GRID2: variants seen among roughly 807,000 people sequenced by gnomAD.
GRID2 encodes glutamate receptor ionotropic, delta-2.
Under a neutral mutation model 114.8 loss-of-function variants are expected in GRID2, and 33 were observed. The ratio of observed to expected loss-of-function variants is 0.29; its 90% CI spans 0.22 to 0.38. GRID2 has a LOEUF of 0.38. GRID2 is among the 10% of genes least tolerant of loss of function. The pLI, the probability that GRID2 is intolerant of heterozygous loss-of-function variation, is 1.00. For synonymous variants in GRID2, 505 were observed against 449.9 expected, an observed-to-expected ratio of 1.12 and a Z score of -1.55; for missense variants, 1,184 against 1,257.7, an observed-to-expected ratio of 0.94 and a Z score of 0.89.
chr4:92,534,182 C>T (rs968231596), intron 1 of GRID2, among the ~76,000 whole-genome samples: 12 of 151,934 alleles, frequency 7.9e-5, no homozygotes, highest in African/African-American at 2.9e-4. Context: ...AAGGATCCAG[C>T]GTTTGATCTA....
chr4:92,703,203 T>C (rs528373388), intron 2 of GRID2, among the ~76,000 whole-genome samples: 1 of 152,294 alleles, frequency 6.6e-6, no homozygotes, highest in Admixed American at 6.5e-5. Flanking sequence ...TAAATAAATG[T>C]AATCTGAATA....
intron 1 of GRID2, among the ~76,000 whole-genome samples, chr4:92,438,656 C>T (rs1032432163): frequency 2.6e-5 from 4 of 151,612 alleles, no homozygotes; most frequent in Admixed American, 2.0e-4. Context: ...TGCTGTTTTT[C>T]CCAACTCTTC....
chr4:93,316,838 T>C (rs1263571987), intron 8 of GRID2, among the ~76,000 whole-genome samples: 1 of 152,136 alleles, frequency 6.6e-6, no homozygotes, highest in Non-Finnish European at 1.5e-5. Flanking sequence ...AGAGCCAATG[T>C]TTCCTTTCAA....
intron 8 of GRID2, among the ~76,000 whole-genome samples, chr4:93,247,135 T>A (rs950351057): frequency 6.6e-6 from 1 of 152,162 alleles, no homozygotes; most frequent in Non-Finnish European, 1.5e-5. Flanking sequence ...GGAGCAAAGA[T>A]GACTGATGGG....
intron 14 of GRID2, among the ~76,000 whole-genome samples, chr4:93,714,099 C>T (rs979622701): frequency 1.3e-5 from 2 of 152,030 alleles, no homozygotes; most frequent in African/African-American, 2.4e-5. Flanking sequence ...TCCTCCCCCA[C>T]CCCCAACAGG....
chr4:92,444,426 G>A (rs563842561), intron 1 of GRID2, among the ~76,000 whole-genome samples: 3 of 152,098 alleles, frequency 2.0e-5, no homozygotes, highest in South Asian at 2.1e-4. Context: ...CTCAGTGGGG[G>A]TGCTTTTGGC....
At chr4:92,664,299 C>G (rs1439617800) in intron 2 of GRID2, among the ~76,000 whole-genome samples, 1 of 150,914 alleles carries the variant, frequency 6.6e-6, no homozygotes, top group African/African-American at 2.4e-5. Flanking sequence ...TCTTTTGATT[C>G]TATTTTCTAG....
At chr4:93,256,163 A>G (rs1244679411) in intron 8 of GRID2, among the ~76,000 whole-genome samples, 1 of 151,804 alleles carries the variant, frequency 6.6e-6, no homozygotes, top group Non-Finnish European at 1.5e-5. Context: ...CACTGTCCAC[A>G]TTTTTGATGG....
At chr4:93,083,301 G>A (rs1407731719) in intron 2 of GRID2, among the ~76,000 whole-genome samples, 1 of 151,950 alleles carries the variant, frequency 6.6e-6, no homozygotes, top group East Asian at 1.9e-4. Flanking sequence ...GAAATTATAA[G>A]TATACACTTA....
At chr4:92,918,961 G>A (rs879328358) in intron 2 of GRID2, among the ~76,000 whole-genome samples, 22 of 152,168 alleles carry the variant, frequency 1.4e-4, no homozygotes, top group Non-Finnish European at 2.5e-4. Context: ...GTAGAATTCA[G>A]CTGTGAATCC....
intron 2 of GRID2, chr4:92,822,520 C>T (rs1741359571): frequency 2.8e-6 from 1 of 353,728 alleles, no homozygotes; most frequent in African/African-American, 2.1e-5. Context: ...TTTGTATATA[C>T]TCAGGGTTAT....
chr4:92,345,901 T>G (rs1038752665), intron 1 of GRID2, among the ~76,000 whole-genome samples: 2 of 152,208 alleles, frequency 1.3e-5, no homozygotes, highest in Non-Finnish European at 2.9e-5. Flanking sequence ...TCATCAATCT[T>G]TTTAGTATAC....
At chr4:93,052,128 T>C (rs978398250) in intron 2 of GRID2, among the ~76,000 whole-genome samples, 3 of 152,024 alleles carry the variant, frequency 2.0e-5, no homozygotes, top group Non-Finnish European at 4.4e-5. Flanking sequence ...TTATTGTTTA[T>C]ATCACAAGTC....
Position 93,773,565 on chromosome 4 carries a change from A to G in GRID2, c.*1067A>G, listed in dbSNP as rs997564074. On this transcript the variant is annotated 3_prime_UTR_variant, in exon 16 of 16. Coordinates refer to ENST00000282020, the MANE Select transcript of GRID2 (RefSeq NM_001510.4). ...ATTTTACTTTTAATTAATTATCTAA[A>G]TGAAAAATGCTATTAGCTGAACCAC... 2 of 152,168 alleles carry G rather than the reference A, an allele frequency of 1.3e-5. No homozygotes were observed. The highest frequency in any genetic ancestry group is 2.4e-5 in the African/African-American group (1 of 41,444). 9.4% of individuals were successfully genotyped at this position (152,168 alleles called of 1,614,324 possible).
At chr4:92,304,785 T>G (rs778665673) in intron 1 of GRID2, 41 bp downstream of exon 1, 2 of 1,379,752 alleles carry the variant, frequency 1.4e-6, no homozygotes, top group Admixed American at 3.4e-5. Flanking sequence ...CTTTTACCGT[T>G]TCAGTTCTCA....
At chr4:92,473,939 C>G (rs1446058547) in intron 1 of GRID2, among the ~76,000 whole-genome samples, 3 of 147,296 alleles carry the variant, frequency 2.0e-5, no homozygotes, top group Non-Finnish European at 3.0e-5. Flanking sequence ...AAAATCATAC[C>G]CATCACCTCA....
At chr4:93,240,391 CT>C (rs1432152847) in intron 8 of GRID2, among the ~76,000 whole-genome samples, 1 of 151,250 alleles carries the variant, frequency 6.6e-6, no homozygotes, top group Non-Finnish European at 1.5e-5. Context: ...CAGTCTGCAC[CT>C]TTTCCTACAT....
chr4:92,437,338 G>A (rs1348345755), intron 1 of GRID2, among the ~76,000 whole-genome samples: 8 of 152,186 alleles, frequency 5.3e-5, no homozygotes, highest in Admixed American at 5.2e-4. Context: ...GGAGTGCAGT[G>A]GCACAATTTT....
At chr4:93,230,062 G>A (rs540181381) in intron 7 of GRID2, among the ~76,000 whole-genome samples, 1 of 151,910 alleles carries the variant, frequency 6.6e-6, no homozygotes, top group African/African-American at 2.4e-5. Context: ...TTAGCTTTTT[G>A]TAATCCTGAT....
Sources: gnomAD v4.1 joint callset for allele counts (sites outside exome capture counted in the v4.1 genomes callset) on GRCh38, gnomAD v4.1.1 for gene constraint, MANE v1.5 for transcripts, NCBI Gene and HGNC (gene_info 2026-07-23, HGNC 2026-07-21) for gene names.